The following KPNA3 variants were observed in gnomAD, a reference collection of about 807,000 sequenced individuals.
KPNA3 encodes karyopherin subunit alpha 3.
In KPNA3, 13 loss-of-function variants were observed where a neutral mutation model predicts 73.8. The observed-to-expected ratio is 0.18, with a 90% CI of 0.11 to 0.28. The LOEUF is 0.28. Among genes scored for constraint, KPNA3 ranks in the 10% least tolerant of loss-of-function variants. The pLI, the probability that KPNA3 is intolerant of heterozygous loss-of-function variation, is 1.00. For synonymous variants in KPNA3, 186 were observed against 206.9 expected, an observed-to-expected ratio of 0.90 and a Z score of 0.87; for missense variants, 360 against 618.1, an observed-to-expected ratio of 0.58 and a Z score of 4.43.
intron 10 of KPNA3, among the ~76,000 whole-genome samples, chr13:49,713,013 A>T (rs1284463414): frequency 6.6e-6 from 1 of 152,050 alleles, no homozygotes; most frequent in East Asian, 1.9e-4. Context: ...GGCTCTCAAA[A>T]CAAAACCCAA....
intron 16 of KPNA3, 94 bp from the exon 17 acceptor site, chr13:49,701,992 T>C (rs1168789902): frequency 4.0e-6 from 3 of 748,916 alleles, no homozygotes; most frequent in Non-Finnish European, 4.6e-6. Flanking sequence ...CAAATAATTC[T>C]ATGTGAATGC....
chr13:49,731,217 G>A lies in KPNA3; in HGVS notation c.383+1154C>T, dbSNP rs1954465503. ...AGCCTCCCAAGTAGCTGGGACTATA[G>A]GCATGTGCCACCATGCCTGGCTAAT... On this transcript the variant is annotated intron_variant, in intron 6 of 16. Coordinates refer to ENST00000261667, the MANE Select transcript of KPNA3 (RefSeq NM_002267.4). Among the ~76,000 whole-genome samples, 4 of 150,634 alleles carry A rather than the reference G, an allele frequency of 2.7e-5. No individual in the cohort carries two copies. The South Asian group carries it at 8.4e-4, about 32-fold the overall frequency.
intron 10 of KPNA3, among the ~76,000 whole-genome samples, chr13:49,713,149 A>T (rs1186567451): frequency 6.6e-6 from 1 of 152,170 alleles, no homozygotes; most frequent in Non-Finnish European, 1.5e-5. Context: ...CTGTTAAAAG[A>T]CGACCAGTAG....
In KPNA3 at chr13:49,732,352, G is replaced by T; in HGVS notation, c.383+19C>A. ...AGTTAACTGAAAAAAACTGAATAGG[G>T]AGTAAAATCCATACTTACTTATCAT... On this transcript the variant is annotated intron_variant, in intron 6 of 16. Transcript: ENST00000261667. The T allele has an allele frequency of 1.6e-6, 2 of 1,272,468 alleles. No homozygotes were observed. The highest frequency in any genetic ancestry group is 1.3e-5 in the South Asian group (1 of 74,746). 78.8% of individuals were successfully genotyped at this position (1,272,468 alleles called of 1,614,324 possible).
intron 6 of KPNA3, among the ~76,000 whole-genome samples, chr13:49,730,751 T>C (rs1954459039): frequency 7.3e-6 from 1 of 137,354 alleles, no homozygotes; most frequent in Non-Finnish European, 1.5e-5. Flanking sequence ...GTATATCTCC[T>C]AATGCTATCC....
intron 15 of KPNA3, among the ~76,000 whole-genome samples, chr13:49,704,434 AAAATAAATAAATAAATAAAT>A (rs58331212): frequency 0.019 from 2,515 of 130,944 alleles, 61 homozygotes; most frequent in African/African-American, 0.063. Context: ...AAATAAATAA[AAAATAAATAAATAAATAAAT>A]AAATAAATAA....
intron 1 of KPNA3, among the ~76,000 whole-genome samples, chr13:49,784,303 G>A (rs1423403937): frequency 6.6e-6 from 1 of 152,018 alleles, no homozygotes; most frequent in African/African-American, 2.4e-5. Context: ...ACAAATAAGA[G>A]GAACCAGTTA....
intron 1 of KPNA3, among the ~76,000 whole-genome samples, chr13:49,764,127 GTT>G (rs1954790981): frequency 2.1e-5 from 1 of 46,854 alleles, no homozygotes; most frequent in Non-Finnish European, 5.9e-5. Flanking sequence ...GGTTTGTTTT[GTT>G]TTGTTTTGTT....
At chr13:49,739,329 C>T (rs941528906) in intron 2 of KPNA3, among the ~76,000 whole-genome samples, 13 of 152,116 alleles carry the variant, frequency 8.5e-5, no homozygotes, top group South Asian at 2.1e-4. Context: ...TCTCAACCCA[C>T]GAAGCATTAT....
chr13:49,701,222 C>A lies in KPNA3; in HGVS notation c.*578G>T. ...AGTTTTTTTTTTTTTTTAAACTTATCTGTTTATTCAATAACCAAGTTTCTT... is the reference window on the plus strand; with the variant it reads ...AGTTTTTTTTTTTTTTTAAACTTATATGTTTATTCAATAACCAAGTTTCTT... On this transcript the variant is annotated 3_prime_UTR_variant, in exon 17 of 17. Transcript: ENST00000261667. 2 of 153,536 alleles carry A rather than the reference C, an allele frequency of 1.3e-5. No individual in the cohort carries two copies. Among genetic ancestry groups the A allele is most frequent in the East Asian group, 1.9e-4 (1 of 5,166 alleles). The allele number at this position is 153,536 out of a possible 1,614,324, so 9.5% of individuals were successfully genotyped here.
chr13:49,755,557 G>A (rs1390687337), intron 1 of KPNA3, among the ~76,000 whole-genome samples: 3 of 152,200 alleles, frequency 2.0e-5, no homozygotes, highest in African/African-American at 7.2e-5. Context: ...AGCACTTTGG[G>A]AGACTGAGGA....
At chr13:49,766,113 A>G (rs748123863) in intron 1 of KPNA3, among the ~76,000 whole-genome samples, 1 of 152,226 alleles carries the variant, frequency 6.6e-6, no homozygotes, top group African/African-American at 2.4e-5. Flanking sequence ...AAGTAGTTCC[A>G]AGAATTAAAT....
At chr13:49,768,135 C>T (rs899312438) in intron 1 of KPNA3, among the ~76,000 whole-genome samples, 1 of 151,812 alleles carries the variant, frequency 6.6e-6, no homozygotes, top group Admixed American at 6.6e-5. Context: ...AAAAATTAGC[C>T]GGGCGTGGTG....
chr13:49,788,322 TA>T (rs1955001659), intron 1 of KPNA3, among the ~76,000 whole-genome samples: 1 of 152,260 alleles, frequency 6.6e-6, no homozygotes, highest in African/African-American at 2.4e-5. Context: ...AATTATTCAT[TA>T]AACAGAACAT....
At chr13:49,778,594 C>G (rs1377780896) in intron 1 of KPNA3, among the ~76,000 whole-genome samples, 1 of 151,294 alleles carries the variant, frequency 6.6e-6, no homozygotes, top group Admixed American at 6.6e-5. Context: ...ATATATTATT[C>G]TCTCTACTTT....
intron 1 of KPNA3, among the ~76,000 whole-genome samples, chr13:49,773,495 G>C (rs891493376): frequency 5.9e-4 from 89 of 151,764 alleles, no homozygotes; most frequent in African/African-American, 1.7e-3. Flanking sequence ...TATGCACTTG[G>C]ATCTGTGTTG....
At position 49,699,731 on chromosome 13, in the gene KPNA3, A is replaced by C. The variant is rs938095116; in HGVS notation, c.*2069T>G. On this transcript the variant is annotated 3_prime_UTR_variant, in exon 17 of 17. Transcript: ENST00000261667. The stretch of plus-strand genomic sequence containing the variant: ...AAAGGTAACTGTCAGTTAAGTAAGG[A>C]AAGTCCAGAAGAAACTAAACTGGAA... 6.5e-6 allele frequency: 1 copy of C among 152,688 alleles called. No homozygotes were observed. The highest frequency in any genetic ancestry group is 6.5e-5 in the Admixed American group (1 of 15,276). 9.5% of individuals were successfully genotyped at this position (152,688 alleles called of 1,614,324 possible).
chr13:49,728,763 A>T (rs550817586), intron 6 of KPNA3, among the ~76,000 whole-genome samples: 2 of 152,348 alleles, frequency 1.3e-5, no homozygotes, highest in Non-Finnish European at 2.9e-5. Context: ...AGTCAGCCAA[A>T]GCTTTAGCAG....
chr13:49,738,771 T>G (rs1954547439), intron 2 of KPNA3, among the ~76,000 whole-genome samples: 1 of 152,254 alleles, frequency 6.6e-6, no homozygotes, highest in South Asian at 2.1e-4. Flanking sequence ...TCACATTATC[T>G]GCAAATACGG....
Sources: gnomAD v4.1 joint callset for allele counts (sites outside exome capture counted in the v4.1 genomes callset) on GRCh38, gnomAD v4.1.1 for gene constraint, MANE v1.5 for transcripts, NCBI Gene and HGNC (gene_info 2026-07-23, HGNC 2026-07-21) for gene names.